The following XIRP2 variants were observed in gnomAD, a reference collection of about 807,000 sequenced individuals.
XIRP2 encodes the protein xin actin binding repeat containing 2.
Under a neutral mutation model 277.0 loss-of-function variants are expected in XIRP2, and 236 were observed. The observed-to-expected ratio is 0.85, with a 90% CI of 0.77 to 0.95. XIRP2 has a LOEUF of 0.95. XIRP2 is among the 40% of genes least tolerant of loss of function. XIRP2 has a pLI of 0.00. For synonymous variants in XIRP2, 1,490 were observed against 1,416.5 expected (o/e 1.05, Z -1.17); for missense variants, 4,640 against 4,157.5 (o/e 1.12, Z -3.19).
At chr2:166,998,594 G>T (rs140694398) in intron 2 of XIRP2, among the ~76,000 whole-genome samples, 2 of 152,186 alleles carry the variant, frequency 1.3e-5, no homozygotes, top group African/African-American at 4.8e-5. Context: ...CTGTGATAGC[G>T]CCACTGCACT....
intron 2 of XIRP2, among the ~76,000 whole-genome samples, chr2:167,000,451 T>G (rs1446688219): frequency 2.0e-5 from 3 of 152,034 alleles, no homozygotes; most frequent in Non-Finnish European, 4.4e-5. Context: ...TCTTTTAAAT[T>G]GGTAGTTAGA....
At chr2:166,946,381 A>G (rs910603286) in intron 2 of XIRP2, among the ~76,000 whole-genome samples, 6 of 152,142 alleles carry the variant, frequency 3.9e-5, no homozygotes, top group Admixed American at 1.3e-4. Context: ...CCTTTTTTAT[A>G]TCTCACCCAG....
intron 2 of XIRP2, among the ~76,000 whole-genome samples, chr2:166,910,606 A>G (rs570986169): frequency 2.6e-5 from 4 of 151,734 alleles, no homozygotes; most frequent in African/African-American, 7.3e-5. Context: ...TTGTGTCTCT[A>G]TTTCCTTCAG....
chr2:167,210,602 T>A, intron 3 of XIRP2, 133 bp from the exon 4 acceptor site: 10 of 1,212,238 alleles, frequency 8.2e-6, no homozygotes, highest in South Asian at 1.5e-5. Flanking sequence ...CCATGAGACA[T>A]TGAAAATATT....
intron 1 of XIRP2, among the ~76,000 whole-genome samples, chr2:166,894,655 C>T (rs1273944988): frequency 6.6e-6 from 1 of 152,136 alleles, no homozygotes; most frequent in Admixed American, 6.5e-5. Context: ...CTACTTTTTT[C>T]AGCATTGTGC....
chr2:166,925,626 T>TAC (rs1553470472), intron 2 of XIRP2, among the ~76,000 whole-genome samples: 305 of 136,000 alleles, frequency 2.2e-3, no homozygotes, highest in African/African-American at 7.7e-3. Context: ...TATATATATA[T>TAC]ACATATAAGT....
intron 2 of XIRP2, among the ~76,000 whole-genome samples, chr2:166,934,825 G>A (rs77421646): frequency 0.013 from 1,940 of 151,764 alleles, 35 homozygotes; most frequent in African/African-American, 0.044. Context: ...TGGCCAGCAC[G>A]GAGAAGCACT....
intron 2 of XIRP2, among the ~76,000 whole-genome samples, chr2:166,920,467 T>C (rs1470610769): frequency 6.6e-6 from 1 of 152,110 alleles, no homozygotes; most frequent in Non-Finnish European, 1.5e-5. Flanking sequence ...TCAAAGCAAT[T>C]CTTAAACATT....
chr2:167,246,971 C>T lies in XIRP2; in HGVS notation c.5579C>T (p.Thr1860Ile), dbSNP rs376268462. 1.2e-6 allele frequency: 2 copies of T among 1,613,318 alleles called. No homozygotes were observed. Among genetic ancestry groups the T allele is most frequent in the African/African-American group, 2.7e-5 (2 of 74,826 alleles). The change falls in exon 9 of 11, where the codon ACA (threonine) becomes ATA (isoleucine). Residue 1860 changes from threonine to isoleucine, a missense_variant. Thr to Ile is a moderately conservative substitution (Grantham distance 89). Coordinates refer to ENST00000409195, the MANE Select transcript of XIRP2 (RefSeq NM_152381.6). ...GTAAATCAGAAAACAGTGACGAAAACAGAAGAAATTATAAAAGGTAACATG... is the reference window on the plus strand; with the variant it reads ...GTAAATCAGAAAACAGTGACGAAAATAGAAGAAATTATAAAAGGTAACATG... ...QAVNQKTVTK[T>I]EEIIKGNMLA...
At chr2:167,082,940 T>A (rs1433687419) in intron 2 of XIRP2, among the ~76,000 whole-genome samples, 1 of 152,216 alleles carries the variant, frequency 6.6e-6, no homozygotes, top group Non-Finnish European at 1.5e-5. Context: ...AGAAGCTCTT[T>A]AGTTTAATTA....
intron 3 of XIRP2, among the ~76,000 whole-genome samples, chr2:167,163,648 A>C (rs1692433425): frequency 6.6e-6 from 1 of 152,178 alleles, no homozygotes; most frequent in Admixed American, 6.5e-5. Context: ...AATGAGCAGA[A>C]GTTGTTAATT....
Position 167,247,972 on chromosome 2 carries a change from T to G in XIRP2, c.6580T>G (p.Tyr2194Asp). ...KQTLLKQETK[Y>D]SNKDIKKKNI... The stretch of plus-strand genomic sequence containing the variant: ...AACTTTGTTAAAGCAAGAAACAAAA[T>G]ATTCTAATAAGGATATAAAGAAAAA... Residue 2194 changes from tyrosine (Y) to aspartate (D), a missense_variant, in exon 9 of 11, where the codon TAT becomes GAT. Tyr to Asp is a radical substitution (Grantham distance 160). Transcript: ENST00000409195. 6.2e-7 allele frequency: 1 copy of G among 1,610,366 alleles called. No homozygotes were observed. Among genetic ancestry groups the G allele is most frequent in the African/African-American group, 1.3e-5 (1 of 74,616 alleles).
intron 3 of XIRP2, chr2:167,187,442 A>G (rs1202215187): frequency 1.7e-5 from 17 of 985,258 alleles, no homozygotes; most frequent in South Asian, 4.7e-5. Flanking sequence ...TTGGCTGTAC[A>G]TGAAACAAGG....
At chr2:167,131,119 T>C (rs1691361086) in intron 2 of XIRP2, among the ~76,000 whole-genome samples, 1 of 152,124 alleles carries the variant, frequency 6.6e-6, no homozygotes, top group Admixed American at 6.6e-5. Context: ...TGGGTTCTTA[T>C]CTTCAAGCTA....
chr2:167,247,430 G>C lies in XIRP2; in HGVS notation c.6038G>C (p.Arg2013Thr), dbSNP rs1397427665. The C allele has an allele frequency of 6.2e-7, 1 of 1,613,614 alleles. No homozygotes were observed. The highest frequency in any genetic ancestry group is 1.1e-5 in the South Asian group (1 of 91,076). ...KSCHGNLVEERTEVNLPKAPK... is the reference protein window; with the variant it reads ...KSCHGNLVEETTEVNLPKAPK... ...TGCCATGGCAATTTAGTAGAAGAAAGAACTGAGGTTAATCTTCCAAAAGCC... is the reference window on the plus strand; with the variant it reads ...TGCCATGGCAATTTAGTAGAAGAAACAACTGAGGTTAATCTTCCAAAAGCC... The change falls in exon 9 of 11, where the codon AGA (arginine) becomes ACA (threonine). Residue 2013 changes from arginine to threonine, a missense_variant. Arg to Thr is a moderately conservative substitution (Grantham distance 71). Transcript: ENST00000409195.
chr2:167,230,903 G>A (rs1171339283), intron 5 of XIRP2, among the ~76,000 whole-genome samples: 1 of 151,942 alleles, frequency 6.6e-6, no homozygotes, highest in East Asian at 1.9e-4. Flanking sequence ...TTATTTACGT[G>A]ATTTCTTACT....
At chr2:167,109,277 CCTT>C (rs1690685347) in intron 2 of XIRP2, among the ~76,000 whole-genome samples, 1 of 151,510 alleles carries the variant, frequency 6.6e-6, no homozygotes, top group South Asian at 2.1e-4. Context: ...ATTTTCTTCT[CCTT>C]CTCCTTCTCC....
intron 2 of XIRP2, among the ~76,000 whole-genome samples, chr2:166,935,332 C>A (rs1558921541): frequency 6.6e-6 from 1 of 152,062 alleles, no homozygotes; most frequent in East Asian, 1.9e-4. Context: ...GACTAATAGG[C>A]CAGTAGATAA....
intron 3 of XIRP2, among the ~76,000 whole-genome samples, chr2:167,202,280 TAA>T (rs1249732581): frequency 6.6e-6 from 1 of 152,218 alleles, no homozygotes; most frequent in Non-Finnish European, 1.5e-5. Context: ...TAAAAATGTT[TAA>T]GAGCAGTATG....
Sources: gnomAD v4.1 joint callset for allele counts (sites outside exome capture counted in the v4.1 genomes callset) on GRCh38, gnomAD v4.1.1 for gene constraint, MANE v1.5 for transcripts, NCBI Gene and HGNC (gene_info 2026-07-23, HGNC 2026-07-21) for gene names.